PHIP: variants seen among roughly 807,000 people sequenced by gnomAD.
PHIP encodes the protein PHIP subunit of CUL4-Ring ligase complex.
In PHIP, 54 loss-of-function variants were observed where a neutral mutation model predicts 236.8. The observed-to-expected ratio is 0.23, with a 90% CI of 0.18 to 0.29. The LOEUF is 0.29. Among genes scored for constraint, PHIP ranks in the 10% least tolerant of loss-of-function variants. The pLI, the probability that PHIP is intolerant of heterozygous loss-of-function variation, is 1.00. For synonymous variants in PHIP, 756 were observed against 718.9 expected (o/e 1.05, Z -0.83); for missense variants, 1,370 against 2,190.8 (o/e 0.63, Z 7.48).
intron 17 of PHIP, among the ~76,000 whole-genome samples, chr6:79,001,495 G>C (rs915790361): frequency 6.6e-6 from 1 of 152,042 alleles, no homozygotes; most frequent in Non-Finnish European, 1.5e-5. Flanking sequence ...CTAATGAACT[G>C]TGTTTATTAA....
chr6:78,968,389 T>C (rs867406103), intron 27 of PHIP, among the ~76,000 whole-genome samples: 1 of 152,208 alleles, frequency 6.6e-6, no homozygotes. Context: ...TTTGGCCCTC[T>C]GTATTGGCAG....
intron 24 of PHIP, among the ~76,000 whole-genome samples, chr6:78,978,373 C>T (rs116644076): frequency 6.6e-6 from 1 of 151,976 alleles, no homozygotes; most frequent in Non-Finnish European, 1.5e-5. Context: ...AAAACACTAA[C>T]AAAATTTTCA....
rs1318557599 is a variant in PHIP at position 78,990,853 on chromosome 6, ATAAT to A, written c.2319+11_2319+14del. ...TAAGAAGCAAATATTAAACATCAAA[ATAAT>A]TAATATGTACCTTTGAGACAGTGGG... On this transcript the variant is annotated intron_variant, in intron 20 of 39. Coordinates refer to ENST00000275034, the MANE Select transcript of PHIP (RefSeq NM_017934.7). The A allele has an allele frequency of 4.3e-6, 6 of 1,409,210 alleles. No individual in the cohort carries two copies. Among genetic ancestry groups the A allele is most frequent in the African/African-American group, 1.4e-5 (1 of 69,462 alleles). The allele number at this position is 1,409,210 out of a possible 1,614,324, so 87.3% of individuals were successfully genotyped here. A position where few individuals can be genotyped will look rare whatever the true frequency, so the allele number is the denominator to read the frequency against.
chr6:79,010,028 G>A (rs886754423), intron 15 of PHIP, among the ~76,000 whole-genome samples: 1 of 151,254 alleles, frequency 6.6e-6, no homozygotes, highest in Non-Finnish European at 1.5e-5. Flanking sequence ...TATAAATATA[G>A]GACATTATCT....
chr6:79,066,456 T>C (rs761174642), intron 4 of PHIP, among the ~76,000 whole-genome samples: 1 of 152,166 alleles, frequency 6.6e-6, no homozygotes, highest in Non-Finnish European at 1.5e-5. Context: ...AGTCAAACCA[T>C]AGCAATCTAA....
intron 9 of PHIP, among the ~76,000 whole-genome samples, chr6:79,022,190 C>T (rs900283555): frequency 2.0e-5 from 3 of 152,312 alleles, no homozygotes; most frequent in Middle Eastern, 3.4e-3. Context: ...GCCAAGTTAA[C>T]ATTTCTGTAC....
At chr6:79,031,409 G>C (rs1008154522) in intron 7 of PHIP, among the ~76,000 whole-genome samples, 10 of 152,138 alleles carry the variant, frequency 6.6e-5, no homozygotes, top group Admixed American at 3.9e-4. Context: ...CAAATTTACA[G>C]GGTTTCTTTT....
At chr6:79,060,125 T>C (rs560834165) in intron 6 of PHIP, among the ~76,000 whole-genome samples, 3 of 151,396 alleles carry the variant, frequency 2.0e-5, no homozygotes, top group Non-Finnish European at 4.4e-5. Context: ...AAAAAAGTAC[T>C]GTGCTCTTAA....
intron 24 of PHIP, among the ~76,000 whole-genome samples, chr6:78,973,228 T>C (rs1582141140): frequency 6.6e-6 from 1 of 151,968 alleles, no homozygotes; most frequent in East Asian, 1.9e-4. Flanking sequence ...ATATTCAACA[T>C]TCTTAAAGAA....
At chr6:79,056,102 A>T (rs1179628846) in intron 6 of PHIP, among the ~76,000 whole-genome samples, 1 of 152,212 alleles carries the variant, frequency 6.6e-6, no homozygotes, top group Non-Finnish European at 1.5e-5. Context: ...ATAAAACATA[A>T]TGTCTGTCCT....
At chr6:79,060,436 T>TACCAAGAGGCTATTAACTAC in intron 6 of PHIP, 42 bp downstream of exon 6, 1 of 1,358,466 alleles carries the variant, frequency 7.4e-7, no homozygotes, top group South Asian at 1.3e-5. Context: ...AAAAGCTCTT[T>TACCAAGAGGCTATTAACTAC]ACCAAGAGGC....
chr6:78,965,959 T>C lies in PHIP; in HGVS notation c.3303A>G (p.Gln1101=), dbSNP rs772214954. ...TATTTCCTTACCAAACATTGTAGCA[T>C]TGAAACAGACTATCAGGGTACTCAA... The part of the protein sequence containing the change: ...LQLEYPDSLF[Q]CYNVCWDNGD... Residue 1101 remains glutamine (Q), a synonymous_variant, in exon 28 of 40, where the codon CAA becomes CAG. Coordinates refer to ENST00000275034, the MANE Select transcript of PHIP (RefSeq NM_017934.7). 1.2e-5 allele frequency: 19 copies of C among 1,605,382 alleles called. No homozygotes were observed. The highest frequency in any genetic ancestry group is 4.0e-5 in the African/African-American group (3 of 74,782).
At chr6:79,047,217 A>G (rs9448616) in intron 6 of PHIP, among the ~76,000 whole-genome samples, 40,342 of 152,092 alleles carry the variant, frequency 0.27, 5,681 homozygotes, top group Non-Finnish European at 0.31. Flanking sequence ...GTAGAGATCA[A>G]CAAAAGGCCC....
Position 79,078,099 on chromosome 6 carries a change from G to C in PHIP, c.-31C>G, listed in dbSNP as rs745594067. On this transcript the variant is annotated 5_prime_UTR_variant, in exon 1 of 40. Coordinates refer to ENST00000275034, the MANE Select transcript of PHIP (RefSeq NM_017934.7). Reference sequence around the variant, plus strand: ...TGGGTCACTTCAGGGCCGCCGACGGGACACCCCGCCGCCGAGGGGAAGCGG... The same window carrying C: ...TGGGTCACTTCAGGGCCGCCGACGGCACACCCCGCCGCCGAGGGGAAGCGG... 2.5e-6 allele frequency: 4 copies of C among 1,605,156 alleles called. No homozygotes were observed. The African/African-American group carries it at 5.4e-5, about 22-fold the overall frequency.
intron 15 of PHIP, among the ~76,000 whole-genome samples, chr6:79,006,586 A>G (rs762577889): frequency 6.6e-6 from 1 of 152,054 alleles, no homozygotes; most frequent in Non-Finnish European, 1.5e-5. Flanking sequence ...CACCAAATGA[A>G]AGGTATATAA....
At chr6:79,062,709 T>C (rs1773437915) in intron 4 of PHIP, among the ~76,000 whole-genome samples, 1 of 152,234 alleles carries the variant, frequency 6.6e-6, no homozygotes, top group African/African-American at 2.4e-5. Flanking sequence ...TTTAGAATGT[T>C]TGAATTTTTC....
intron 6 of PHIP, among the ~76,000 whole-genome samples, chr6:79,045,077 T>C (rs538247286): frequency 6.6e-6 from 1 of 152,326 alleles, no homozygotes; most frequent in South Asian, 2.1e-4. Context: ...CTACCCTTTG[T>C]AATGCTTAGC....
chr6:78,955,386 A>G, intron 33 of PHIP, 104 bp from the exon 34 acceptor site: 1 of 838,688 alleles, frequency 1.2e-6, no homozygotes, highest in Middle Eastern at 2.3e-4. Flanking sequence ...GAACACCTGT[A>G]ATGTATATGC....
intron 23 of PHIP, among the ~76,000 whole-genome samples, chr6:78,981,292 C>T (rs1314208094): frequency 6.6e-6 from 1 of 151,900 alleles, no homozygotes; most frequent in African/African-American, 2.4e-5. Flanking sequence ...TAAGATGACC[C>T]TGTTTAAGAA....
Sources: gnomAD v4.1 joint callset for allele counts (sites outside exome capture counted in the v4.1 genomes callset) on GRCh38, gnomAD v4.1.1 for gene constraint, MANE v1.5 for transcripts, NCBI Gene and HGNC (gene_info 2026-07-23, HGNC 2026-07-21) for gene names.